Variants in COX5B observed in about 807,000 individuals in gnomAD.
The protein encoded by COX5B is cytochrome c oxidase subunit 5B, mitochondrial.
Under a neutral mutation model 16.2 loss-of-function variants are expected in COX5B, and 8 were observed. The observed-to-expected ratio is 0.49, with a 90% confidence interval of 0.29 to 0.89. The LOEUF is 0.89. Ranked by LOEUF, COX5B falls within the 40% of genes least tolerant of loss-of-function variation. COX5B has a pLI of 0.08. For missense variants in COX5B, 161 were observed against 168.7 expected, an observed-to-expected ratio of 0.95 and a Z score of 0.25; for synonymous variants, 65 against 67.6, an observed-to-expected ratio of 0.96 and a Z score of 0.19.
intron 1 of COX5B, 73 bp from the exon 2 acceptor site, chr2:97,646,994 T>G: frequency 6.6e-7 from 1 of 1,517,098 alleles, no homozygotes; most frequent in Non-Finnish European, 9.1e-7. Context: ...ACCATTTTCC[T>G]TGATCATTTC....
At chr2:97,647,537 T>G in intron 3 of COX5B, 94 bp downstream of exon 3, 1 of 1,078,828 alleles carries the variant, frequency 9.3e-7, no homozygotes, top group Non-Finnish European at 1.4e-6. Context: ...GAGTGCATGT[T>G]GGTAAGTTTG....
At chr2:97,647,202 G>A in intron 2 of COX5B, 62 bp downstream of exon 2, 1 of 1,569,266 alleles carries the variant, frequency 6.4e-7, no homozygotes, top group Admixed American at 1.7e-5. Context: ...TGTTCATAGT[G>A]GTCTCCTCTC....
At position 97,647,126 on chromosome 2, in the gene COX5B, G is replaced by A; in HGVS notation, c.163G>A (p.Ala55Thr). ...GTTGGAGAGGGAGATCATGCTGGCT[G>A]CAAAGAAGGGACTGGTAAGGAGAAA... ...TGLEREIMLA[A>T]KKGLDPYNVL... The change falls in exon 2 of 4, where the codon GCA becomes ACA. Residue 55 changes from alanine (A) to threonine (T), a missense_variant. By Grantham distance (58) the Ala-to-Thr change is moderately conservative (BLOSUM62 0). Transcript: ENST00000258424. The A allele has an allele frequency of 6.2e-7, 1 of 1,614,112 alleles. No individual in the cohort carries two copies. Among genetic ancestry groups the A allele is most frequent in the Non-Finnish European group, 8.5e-7 (1 of 1,179,978 alleles).
In COX5B at chr2:97,646,363, C is replaced by G. The variant is rs538231580; in HGVS notation, c.103+174C>G. ...CTGTAATTCTGGACCGCTGCTCCTGCCGCTCCCCGAACTCACTCCGCTGCG... is the reference window on the plus strand; with the variant it reads ...CTGTAATTCTGGACCGCTGCTCCTGGCGCTCCCCGAACTCACTCCGCTGCG... On this transcript the variant is annotated intron_variant, in intron 1 of 3. Coordinates refer to ENST00000258424, the MANE Select transcript of COX5B (RefSeq NM_001862.3). 44 of 568,538 alleles carry G rather than the reference C, an allele frequency of 7.7e-5. No individual in the cohort carries two copies. In the East Asian group the frequency reaches 1.4e-3, roughly 18 times the overall value. The allele number at this position is 568,538 out of a possible 1,614,324, so 35.2% of individuals were successfully genotyped here. A position where few individuals can be genotyped will look rare whatever the true frequency, so the allele number is the denominator to read the frequency against.
In COX5B at chr2:97,648,250, T is replaced by C; in HGVS notation, c.*142T>C. The stretch of plus-strand genomic sequence containing the variant: ...TTTGGTAGGCATGGAATATGCTTAT[T>C]TTGGGAAAAGCTGTCTGTTAATGCT... On this transcript the variant is annotated 3_prime_UTR_variant, in exon 4 of 4. Coordinates refer to ENST00000258424, the MANE Select transcript of COX5B (RefSeq NM_001862.3). The C allele has an allele frequency of 1.4e-6, 1 of 740,040 alleles. No individual in the cohort carries two copies. Among genetic ancestry groups the C allele is most frequent in the South Asian group, 2.1e-5 (1 of 47,246 alleles). The allele number at this position is 740,040 out of a possible 1,614,324, so 45.8% of individuals were successfully genotyped here. A position where few individuals can be genotyped will look rare whatever the true frequency, so the allele number is the denominator to read the frequency against.
Position 97,646,254 on chromosome 2 carries a change from C to G in COX5B, c.103+65C>G, listed in dbSNP as rs546449587. 609 of 1,142,254 alleles carry G rather than the reference C, an allele frequency of 5.3e-4. 4 individuals are homozygous for G. In the African/African-American group the frequency reaches 8.7e-3, roughly 16 times the overall value. The allele number at this position is 1,142,254 out of a possible 1,614,324, so 70.8% of individuals were successfully genotyped here. On this transcript the variant is annotated intron_variant, in intron 1 of 3. Coordinates refer to ENST00000258424, the MANE Select transcript of COX5B (RefSeq NM_001862.3). ...CCCTCCCAGGGTGGTCCCAGGGCGG[C>G]AAAGCGGCGCGGCTCGTGCAGCTTC...
Position 97,648,293 on chromosome 2 carries a change from C to A in COX5B, c.*185C>A, listed in dbSNP as rs576687741. 418 of 588,874 alleles carry A rather than the reference C, an allele frequency of 7.1e-4. 1 individual carries two copies. Among genetic ancestry groups the A allele is most frequent in the Non-Finnish European group, 1.1e-3 (364 of 335,310 alleles). The allele number at this position is 588,874 out of a possible 1,614,324, so 36.5% of individuals were successfully genotyped here. On this transcript the variant is annotated 3_prime_UTR_variant, in exon 4 of 4. Transcript: ENST00000258424. ...TTAATGCTAGCTTGCCATCCACTTA[C>A]TGAAAGTGTATAACCAGTGTATAGT...
intron 1 of COX5B, 76 bp downstream of exon 1, chr2:97,646,265 G>GA: frequency 2.0e-6 from 2 of 998,018 alleles, no homozygotes; most frequent in Non-Finnish European, 2.9e-6. Flanking sequence ...AAAGCGGCGC[G>GA]GCTCGTGCAG....
At chr2:97,647,523 G>A in intron 3 of COX5B, 80 bp downstream of exon 3, 1 of 1,199,722 alleles carries the variant, frequency 8.3e-7, no homozygotes. Flanking sequence ...AATCTTCAGT[G>A]TGTGAGTGCA....
intron 1 of COX5B, 40 bp from the exon 2 acceptor site, chr2:97,647,027 C>T (rs1453814243): frequency 6.3e-7 from 1 of 1,590,182 alleles, no homozygotes; most frequent in African/African-American, 1.3e-5. Context: ...TTCTATCAGT[C>T]ATTTCAGTCA....
At position 97,646,206 on chromosome 2, in the gene COX5B, G is replaced by A. The variant is rs1363771292; in HGVS notation, c.103+17G>A. 1.3e-6 allele frequency: 2 copies of A among 1,513,148 alleles called. No individual in the cohort carries two copies. The highest frequency in any genetic ancestry group is 1.2e-5 in the South Asian group (1 of 82,586). The allele number at this position is 1,513,148 out of a possible 1,614,324, so 93.7% of individuals were successfully genotyped here. On this transcript the variant is annotated intron_variant, in intron 1 of 3. Coordinates refer to ENST00000258424, the MANE Select transcript of COX5B (RefSeq NM_001862.3). ...CATCTGGAGGTACTCGGGTCTCCGGGCGTGCCAGGGACCAGAGTGTTGCCC... is the reference window on the plus strand; with the variant it reads ...CATCTGGAGGTACTCGGGTCTCCGGACGTGCCAGGGACCAGAGTGTTGCCC...
At chr2:97,646,420 T>G in intron 1 of COX5B, 1 of 518,816 alleles carries the variant, frequency 1.9e-6, no homozygotes, top group Non-Finnish European at 3.4e-6. Flanking sequence ...CCGGGTGACC[T>G]TGGGAGGGAC....
At position 97,648,050 on chromosome 2, in the gene COX5B, A is replaced by AGCGATGCCCC; in HGVS notation, c.333_342dup (p.Arg115AlafsTer37). ...TTTTGGCTGCACAAAGGCGAGGCCC[A>AGCGATGCCCC]GCGATGCCCCCGCTGTGGAGCCCAT... On this transcript the variant is annotated frameshift_variant, in exon 4 of 4. Coordinates refer to ENST00000258424, the MANE Select transcript of COX5B (RefSeq NM_001862.3). LOFTEE classifies it high-confidence loss of function. 6.2e-7 allele frequency: 1 copy of AGCGATGCCCC among 1,613,658 alleles called. No individual in the cohort carries two copies. Among genetic ancestry groups the AGCGATGCCCC allele is most frequent in the Non-Finnish European group, 8.5e-7 (1 of 1,179,814 alleles).
chr2:97,647,567 T>G (rs1386942410), intron 3 of COX5B, 124 bp downstream of exon 3: 9 of 821,152 alleles, frequency 1.1e-5, no homozygotes, highest in Non-Finnish European at 1.8e-5. Context: ...CTTGACACTC[T>G]CAAGCCTCAT....
intron 2 of COX5B, 68 bp from the exon 3 acceptor site, chr2:97,647,276 G>T (rs556274805): frequency 6.5e-7 from 1 of 1,542,630 alleles, no homozygotes; most frequent in Non-Finnish European, 8.9e-7. Flanking sequence ...TGGAAGGTAG[G>T]GCTTATTTGG....
chr2:97,646,946 T>G, intron 1 of COX5B, 121 bp from the exon 2 acceptor site: 1 of 934,546 alleles, frequency 1.1e-6, no homozygotes, highest in South Asian at 1.4e-5. Flanking sequence ...CTTTAGGAGC[T>G]TGTGAGCCCG....
rs746056555 is a variant in COX5B, at chr2:97,647,430, A to G, written c.264A>G (p.Ile88Met). 6.2e-6 allele frequency: 10 copies of G among 1,613,694 alleles called. No homozygotes were observed. Among genetic ancestry groups the G allele is most frequent in the Admixed American group, 1.7e-5 (1 of 59,994 alleles). ...TCCCCTCCATCTCCAACAAGAGAAT[A>G]GTAGGCTGCATCTGTAAGTACCTCA... Reference protein sequence around the residue: ...NLVPSISNKRIVGCICEEDNT... With the variant: ...NLVPSISNKRMVGCICEEDNT... The change falls in exon 3 of 4, where the codon ATA becomes ATG. Residue 88 changes from isoleucine to methionine, a missense_variant. Transcript: ENST00000258424.
chr2:97,646,243 T>A, intron 1 of COX5B, 54 bp downstream of exon 1: 1 of 1,288,550 alleles, frequency 7.8e-7, no homozygotes, highest in African/African-American at 1.5e-5. Context: ...CCCAGGGTGG[T>A]CCCAGGGCGG....
rs878899850 is a variant in COX5B, at chr2:97,647,481, A to G, written c.277+38A>G. On this transcript the variant is annotated intron_variant, in intron 3 of 3. Transcript: ENST00000258424. The stretch of plus-strand genomic sequence containing the variant: ...CCTCTATTTTTTATCCACTTGCTTA[A>G]TATATCCTACAATAGTGTGTAAGCT... The G allele has an allele frequency of 5.9e-6, 9 of 1,527,452 alleles. No individual in the cohort carries two copies. The Admixed American group carries it at 1.4e-4, about 23-fold the overall frequency. The allele number at this position is 1,527,452 out of a possible 1,614,324, so 94.6% of individuals were successfully genotyped here.
Sources: gnomAD v4.1 joint callset for allele counts on GRCh38, gnomAD v4.1.1 for gene constraint, MANE v1.5 for transcripts, NCBI Gene and HGNC (gene_info 2026-07-23, HGNC 2026-07-21) for gene names.